Variants in ABCB4 observed in about 807,000 individuals in gnomAD.
ABCB4 encodes the protein phosphatidylcholine translocator ABCB4.
In ABCB4, 76 loss-of-function variants were observed where a neutral mutation model predicts 145.7. The observed-to-expected ratio is 0.52, with a 90% CI of 0.43 to 0.63. The LOEUF (loss-of-function observed/expected upper bound fraction) is 0.63, where lower values mean the gene tolerates loss of function less well. ABCB4 is among the 30% of genes least tolerant of loss of function. The pLI, the probability that ABCB4 is intolerant of heterozygous loss-of-function variation, is 0.00. For missense variants in ABCB4, 1,234 were observed against 1,553.1 expected (o/e 0.79, Z 3.45); for synonymous variants, 517 against 566.8 (o/e 0.91, Z 1.25).
intron 3 of ABCB4, among the ~76,000 whole-genome samples, chr7:87,468,141 A>C (rs543824527): frequency 6.6e-6 from 1 of 152,368 alleles, no homozygotes; most frequent in African/African-American, 2.4e-5. Flanking sequence ...AAATTGATTG[A>C]CTGCTAGCAA....
At chr7:87,428,274 G>T (rs957848466) in intron 15 of ABCB4, among the ~76,000 whole-genome samples, 3 of 152,056 alleles carry the variant, frequency 2.0e-5, no homozygotes, top group African/African-American at 7.2e-5. Flanking sequence ...AGTTGGTGTT[G>T]GGTGCTTCAG....
rs1220688736 is a variant in ABCB4, at chr7:87,403,125, C to T, written c.3633+10G>A. On this transcript the variant is annotated intron_variant, in intron 27 of 27. Transcript: ENST00000649586. ...ATTAAATAAGACATAAGTTGGGAGG[C>T]CACACACACCTTTTCACTTTCAGTA... The T allele has an allele frequency of 2.5e-6, 4 of 1,613,872 alleles. No individual in the cohort carries two copies. The highest frequency in any genetic ancestry group is 1.6e-4 in the Middle Eastern group (1 of 6,084).
the ABCB4 span, among the ~76,000 whole-genome samples, chr7:87,385,031 A>T: frequency 3.3e-4 from 50 of 152,088 alleles, no homozygotes; most frequent in African/African-American, 1.1e-3. Flanking sequence ...TGGGTTCTCT[A>T]TTCTGTTCCA....
chr7:87,373,682 G>C, the ABCB4 span, among the ~76,000 whole-genome samples: 1 of 151,996 alleles, frequency 6.6e-6, no homozygotes, highest in South Asian at 2.1e-4. Context: ...TGGTGTTGAA[G>C]TTAGAGAGTT....
At chr7:87,475,356 C>A (rs879131709) in intron 2 of ABCB4, 30 bp downstream of exon 2, 1 of 1,613,724 alleles carries the variant, frequency 6.2e-7, no homozygotes, top group Admixed American at 1.7e-5. Flanking sequence ...TGGCGTGTAA[C>A]GGAAAAGCCA....
At chr7:87,429,487 G>C (rs1810055314) in intron 15 of ABCB4, among the ~76,000 whole-genome samples, 1 of 152,166 alleles carries the variant, frequency 6.6e-6, no homozygotes, top group Non-Finnish European at 1.5e-5. Context: ...GGTCAGAGCT[G>C]TCTGCATCTC....
At position 87,402,025 on chromosome 7, in the gene ABCB4, A is replaced by G; in HGVS notation, c.*71T>C. ...TATGTTTTATGATGACAAACCAGAA[A>G]CTTATTTTACAAGTCAGATAAAATG... On this transcript the variant is annotated 3_prime_UTR_variant, in exon 28 of 28. Transcript: ENST00000649586. 6.3e-7 allele frequency: 1 copy of G among 1,576,216 alleles called. No individual in the cohort carries two copies. Among genetic ancestry groups the G allele is most frequent in the Non-Finnish European group, 8.7e-7 (1 of 1,153,470 alleles).
chr7:87,404,258 C>T (rs968329563), intron 26 of ABCB4, among the ~76,000 whole-genome samples: 1 of 152,122 alleles, frequency 6.6e-6, no homozygotes, highest in Non-Finnish European at 1.5e-5. Context: ...CAGTGTAACC[C>T]AGTGGAACCC....
chr7:87,444,359 A>G (rs953102879), intron 10 of ABCB4, among the ~76,000 whole-genome samples: 6 of 152,226 alleles, frequency 3.9e-5, no homozygotes, highest in Admixed American at 3.9e-4. Context: ...GCAGTGACTT[A>G]CTTTTTTACG....
At chr7:87,425,437 T>A (rs1043335832) in intron 16 of ABCB4, among the ~76,000 whole-genome samples, 1 of 152,218 alleles carries the variant, frequency 6.6e-6, no homozygotes, top group African/African-American at 2.4e-5. Flanking sequence ...CTTCTTTCTA[T>A]AAATATACCA....
At chr7:87,472,273 C>G (rs966367973) in intron 3 of ABCB4, among the ~76,000 whole-genome samples, 4 of 152,168 alleles carry the variant, frequency 2.6e-5, no homozygotes, top group Non-Finnish European at 5.9e-5. Flanking sequence ...GGCTGGAGTG[C>G]AGTGGTGTGA....
At chr7:87,419,972 A>G (rs769844875) in intron 19 of ABCB4, 26 bp downstream of exon 19, 1 of 1,604,456 alleles carries the variant, frequency 6.2e-7, no homozygotes, top group South Asian at 1.1e-5. Context: ...AAAGATCAGA[A>G]GGCATTCTCC....
the ABCB4 span, among the ~76,000 whole-genome samples, chr7:87,371,992 TCAAAAAAAAAAAAA>T: frequency 1.8e-3 from 140 of 75,760 alleles, no homozygotes; most frequent in South Asian, 7.1e-3. Flanking sequence ...AGACGCTGTC[TCAAAAAAAAAAAAA>T]CAAAAAAAAA....
At chr7:87,405,015 G>A (rs45608241) in intron 26 of ABCB4, among the ~76,000 whole-genome samples, 3,428 of 152,102 alleles carry the variant, frequency 0.023, 115 homozygotes, top group African/African-American at 0.079. Flanking sequence ...TCTACTCCTG[G>A]GTGTTTATCC....
Position 87,402,282 on chromosome 7 carries a change from G to T in ABCB4, c.3654C>A (p.Asp1218Glu). The T allele has an allele frequency of 6.2e-7, 1 of 1,614,024 alleles. No homozygotes were observed. Among genetic ancestry groups the T allele is most frequent in the Non-Finnish European group, 8.5e-7 (1 of 1,179,924 alleles). ...ESEKVVQEAL[D>E]KAREGRTCIV... The stretch of plus-strand genomic sequence containing the variant: ...TGCAGGTGCGGCCTTCTCTGGCTTT[G>T]TCCAGGGCTTCTTGGACAACCTATT... Residue 1218 changes from aspartate (D) to glutamate (E), a missense_variant, in exon 28 of 28, where the codon GAC becomes GAA. Transcript: ENST00000649586.
chr7:87,406,431 C>G lies in ABCB4; in HGVS notation c.3343G>C (p.Val1115Leu), dbSNP rs141343150. ...TCAAATAGGATAGGCTCCTGAGACA[C>G]GATTCCGAGTTGAGCTCTGAGCCAC... The part of the protein sequence containing the change: ...VQWLRAQLGI[V>L]SQEPILFDCS... Residue 1115 changes from valine to leucine, a missense_variant, in exon 26 of 28, where the codon GTG (valine) becomes CTG (leucine). Transcript: ENST00000649586. 6.2e-7 allele frequency: 1 copy of G among 1,613,948 alleles called. No individual in the cohort carries two copies. Among genetic ancestry groups the G allele is most frequent in the East Asian group, 2.2e-5 (1 of 44,870 alleles).
the ABCB4 span, among the ~76,000 whole-genome samples, chr7:87,373,903 G>C: frequency 6.6e-6 from 1 of 152,016 alleles, no homozygotes; most frequent in African/African-American, 2.4e-5. Flanking sequence ...AATCAAGTAA[G>C]AAGATAATTT....
At chr7:87,470,136 C>T (rs201759645) in intron 3 of ABCB4, among the ~76,000 whole-genome samples, 3 of 152,088 alleles carry the variant, frequency 2.0e-5, no homozygotes, top group Non-Finnish European at 4.4e-5. Flanking sequence ...CCCTATTTAA[C>T]AAATGGTGCT....
intron 15 of ABCB4, among the ~76,000 whole-genome samples, chr7:87,430,664 A>G (rs1247053885): frequency 6.6e-6 from 1 of 152,226 alleles, no homozygotes; most frequent in East Asian, 1.9e-4. Flanking sequence ...AGCTGGGACT[A>G]CAGGCGTGCA....
Sources: allele counts gnomAD v4.1 joint callset (sites outside exome capture counted in the v4.1 genomes callset), GRCh38; gene constraint gnomAD v4.1.1; transcripts MANE v1.5; gene names NCBI Gene and HGNC (gene_info 2026-07-23, HGNC 2026-07-21).